AHCYL2: variants seen among roughly 807,000 people sequenced by gnomAD.
AHCYL2 encodes adenosylhomocysteinase like 2.
AHCYL2 carries 28 observed loss-of-function variants against 81.4 expected under a neutral mutation model. The observed-to-expected ratio is 0.34, with a 90% CI of 0.25 to 0.47. The LOEUF is 0.47. Ranked by LOEUF, AHCYL2 falls within the 20% of genes least tolerant of loss-of-function variation. The pLI is 1.00. For missense variants in AHCYL2, 551 were observed against 785.1 expected, an observed-to-expected ratio of 0.70 and a Z score of 3.56; for synonymous variants, 272 against 290.2, an observed-to-expected ratio of 0.94 and a Z score of 0.64.
At position 129,344,706 on chromosome 7, in the gene AHCYL2, T is replaced by C. The variant is rs1310241557; in HGVS notation, c.364-34932T>C. ...AAGGCCCTAAGTTGGAAAAGAAGACTGTTGATGGAGTATAGTGAACAAAGG... is the reference window on the plus strand; with the variant it reads ...AAGGCCCTAAGTTGGAAAAGAAGACCGTTGATGGAGTATAGTGAACAAAGG... On this transcript the variant is annotated intron_variant, in intron 1 of 16. Coordinates refer to ENST00000325006, the MANE Select transcript of AHCYL2 (RefSeq NM_015328.4). Among the ~76,000 whole-genome samples the C allele has an allele frequency of 6.6e-5, 10 of 152,026 alleles. No homozygotes were observed. The East Asian group carries it at 1.9e-3, about 29-fold the overall frequency.
chr7:129,403,860 CAAAAAAAA>C (rs34806455), intron 7 of AHCYL2, among the ~76,000 whole-genome samples: 40,390 of 80,908 alleles, frequency 0.5, 7,358 homozygotes, highest in South Asian at 0.6. Context: ...GACTCCATCT[CAAAAAAAA>C]AAAAAAAAAA....
chr7:129,416,417 C>A (rs1207218642), intron 12 of AHCYL2, among the ~76,000 whole-genome samples: 1 of 151,982 alleles, frequency 6.6e-6, no homozygotes, highest in Non-Finnish European at 1.5e-5. Flanking sequence ...AAGGCAAAAG[C>A]ACCACAGAAA....
At chr7:129,409,427 G>C in intron 10 of AHCYL2, 49 bp from the exon 11 acceptor site, 1 of 1,486,598 alleles carries the variant, frequency 6.7e-7, no homozygotes, top group Non-Finnish European at 9.3e-7. Flanking sequence ...GTGTTAAAAG[G>C]CTCCCCAGCT....
chr7:129,317,710 A>G (rs1314366740), intron 1 of AHCYL2, among the ~76,000 whole-genome samples: 7 of 152,084 alleles, frequency 4.6e-5, no homozygotes. Context: ...ACTGTGGTCC[A>G]TACAATAGGT....
chr7:129,315,963 T>G (rs565013352), intron 1 of AHCYL2, among the ~76,000 whole-genome samples: 2 of 152,112 alleles, frequency 1.3e-5, no homozygotes, highest in African/African-American at 4.8e-5. Context: ...GAAGAGGAGA[T>G]GCAAGAGATC....
intron 1 of AHCYL2, among the ~76,000 whole-genome samples, chr7:129,326,291 C>T (rs1294743747): frequency 6.6e-6 from 1 of 152,082 alleles, no homozygotes; most frequent in Non-Finnish European, 1.5e-5. Context: ...CTTTGAGAGG[C>T]TGAGGTGAGT....
intron 1 of AHCYL2, among the ~76,000 whole-genome samples, chr7:129,229,061 CTTTTTT>C (rs59291148): frequency 4.8e-5 from 7 of 144,758 alleles, no homozygotes; most frequent in African/African-American, 1.8e-4. Flanking sequence ...AATAATTAGC[CTTTTTT>C]TTTTTTTTTT....
At position 129,368,696 on chromosome 7, in the gene AHCYL2, GT is replaced by G. The variant is rs1317692348; in HGVS notation, c.364-10940del. ...CAGTTATTACTCTACGTTCTGATTA[GT>G]TCCTAGGTACTAGGTCACCACTGTT... On this transcript the variant is annotated intron_variant, in intron 1 of 16. Coordinates refer to ENST00000325006, the MANE Select transcript of AHCYL2 (RefSeq NM_015328.4). This position sits in a 1 kb window ranked among gnomAD's most constrained non-coding sequence, Gnocchi z 4.4. 1.0e-6 allele frequency: 1 copy of G among 999,438 alleles called. No individual in the cohort carries two copies. The highest frequency in any genetic ancestry group is 1.6e-5 in the African/African-American group (1 of 62,334). The allele number at this position is 999,438 out of a possible 1,614,324, so 61.9% of individuals were successfully genotyped here.
In AHCYL2 at chr7:129,428,282, T is replaced by G. The variant is rs1797442681; in HGVS notation, c.*1237T>G. 1 of 152,238 alleles carries G rather than the reference T, an allele frequency of 6.6e-6. No individual in the cohort carries two copies. The highest frequency in any genetic ancestry group is 2.4e-5 in the African/African-American group (1 of 41,458). The allele number at this position is 152,238 out of a possible 1,614,324, so 9.4% of individuals were successfully genotyped here. On this transcript the variant is annotated 3_prime_UTR_variant, in exon 17 of 17. Transcript: ENST00000325006. ...GGCATATCTTTTATGATTTAACCTCTTCCATTTGATGATTCTGTATTTCAG... is the reference window on the plus strand; with the variant it reads ...GGCATATCTTTTATGATTTAACCTCGTCCATTTGATGATTCTGTATTTCAG...
intron 1 of AHCYL2, among the ~76,000 whole-genome samples, chr7:129,318,073 A>G (rs910872427): frequency 6.6e-6 from 1 of 152,192 alleles, no homozygotes; most frequent in Non-Finnish European, 1.5e-5. Flanking sequence ...AGAAAACCCA[A>G]GGGTTTAACA....
At chr7:129,423,702 A>G (rs2150968775) in intron 13 of AHCYL2, among the ~76,000 whole-genome samples, 1 of 152,212 alleles carries the variant, frequency 6.6e-6, no homozygotes, top group African/African-American at 2.4e-5. Context: ...TTTTTATATT[A>G]AAGAACCTGA....
At chr7:129,283,398 CTTTTT>C (rs754545520) in intron 1 of AHCYL2, 1 of 455,794 alleles carries the variant, frequency 2.2e-6, no homozygotes, top group African/African-American at 2.0e-5. Context: ...ATTTTCTCTG[CTTTTT>C]TTGTTTGTTT....
chr7:129,373,449 A>C (rs1410303224), intron 1 of AHCYL2, among the ~76,000 whole-genome samples: 1 of 151,970 alleles, frequency 6.6e-6, no homozygotes, highest in African/African-American at 2.4e-5. Context: ...AAAGCAAAAA[A>C]ACTAGCCAGG....
intron 1 of AHCYL2, among the ~76,000 whole-genome samples, chr7:129,323,053 C>T (rs1319728778): frequency 6.6e-6 from 1 of 152,026 alleles, no homozygotes; most frequent in Non-Finnish European, 1.5e-5. Context: ...CCCTTTGGTT[C>T]CATTGATTTT....
chr7:129,376,056 C>G (rs1316060090), intron 1 of AHCYL2: 7 of 1,129,310 alleles, frequency 6.2e-6, no homozygotes, highest in Admixed American at 2.3e-5. Flanking sequence ...TGAGCTACCC[C>G]TCTTTTAACA....
intron 1 of AHCYL2, among the ~76,000 whole-genome samples, chr7:129,268,683 T>A (rs752848834): frequency 6.6e-6 from 1 of 152,224 alleles, no homozygotes. Context: ...ACATTAATGC[T>A]GTGGTTGAAT....
intron 1 of AHCYL2, among the ~76,000 whole-genome samples, chr7:129,296,644 A>G (rs1797059595): frequency 1.3e-5 from 2 of 152,198 alleles, no homozygotes; most frequent in Admixed American, 6.5e-5. Flanking sequence ...CAGGAGTTCA[A>G]GGCTACAGTG....
intron 1 of AHCYL2, among the ~76,000 whole-genome samples, chr7:129,247,522 A>G (rs956394104): frequency 9.2e-5 from 14 of 151,500 alleles, no homozygotes; most frequent in African/African-American, 3.4e-4. Flanking sequence ...TTGTCTTTTC[A>G]TTTTCCTGAT....
intron 1 of AHCYL2, among the ~76,000 whole-genome samples, chr7:129,306,524 C>T (rs1442377739): frequency 6.6e-6 from 1 of 151,850 alleles, no homozygotes; most frequent in African/African-American, 2.4e-5. Context: ...TTTGAGTTTC[C>T]TCAAAACAGT....
Sources: allele counts gnomAD v4.1 joint callset (sites outside exome capture counted in the v4.1 genomes callset), GRCh38; gene constraint gnomAD v4.1.1; non-coding constraint Gnocchi (gnomAD v3.1); transcripts MANE v1.5; gene names NCBI Gene and HGNC (gene_info 2026-07-23, HGNC 2026-07-21).